CPLANE1: variants seen among roughly 807,000 people sequenced by gnomAD.
CPLANE1 encodes the protein ciliogenesis and planar polarity effector 1.
Under a neutral mutation model 362.5 loss-of-function variants are expected in CPLANE1, and 263 were observed. The observed-to-expected ratio is 0.73, with a 90% CI of 0.66 to 0.80. The LOEUF is 0.80. CPLANE1 is among the 30% of genes least tolerant of loss of function. The probability of loss-of-function intolerance (pLI) is 0.00; values close to 1 mark genes in which losing one functional copy is unlikely to be tolerated. For synonymous variants in CPLANE1, 1,212 were observed against 1,302.6 expected, an observed-to-expected ratio of 0.93 and a Z score of 1.50; for missense variants, 3,461 against 3,793.4, an observed-to-expected ratio of 0.91 and a Z score of 2.30.
At chr5:37,138,692 G>A in intron 46 of CPLANE1, 28 bp downstream of exon 46, 1 of 1,590,310 alleles carries the variant, frequency 6.3e-7, no homozygotes, top group Non-Finnish European at 8.5e-7. Flanking sequence ...ATTTTAAACA[G>A]GTTAAAAATG....
chr5:37,136,088 C>T (rs919427986), intron 46 of CPLANE1, among the ~76,000 whole-genome samples: 1 of 152,130 alleles, frequency 6.6e-6, no homozygotes, highest in Admixed American at 6.5e-5. Flanking sequence ...ACGGTCTTAA[C>T]TCATTCTAGC....
rs766614269 is a variant in CPLANE1 at position 37,187,560 on chromosome 5, C to G, written c.3934G>C (p.Glu1312Gln). The G allele has an allele frequency of 4.4e-6, 7 of 1,607,958 alleles. No individual in the cohort carries two copies. The highest frequency in any genetic ancestry group is 5.9e-6 in the Non-Finnish European group (7 of 1,178,286). The change falls in exon 23 of 53, where the codon GAG becomes CAG. Residue 1312 changes from glutamate to glutamine, a missense_variant. By Grantham distance (29) the Glu-to-Gln change is conservative (BLOSUM62 2). Transcript: ENST00000651892. The part of the protein sequence containing the change: ...NVKGEKDLEV[E>Q]FDSCMIEHCL... ...TGCTCAATCATACAAGAATCAAACT[C>G]CACTTCAAGGTCCTAAAAGGATATT...
intron 29 of CPLANE1, 115 bp from the exon 30 acceptor site, chr5:37,177,815 C>G (rs1224519083): frequency 2.6e-6 from 2 of 761,602 alleles, no homozygotes; most frequent in East Asian, 5.0e-5. Context: ...AGTCTACAAG[C>G]AAGTGAGAAA....
At chr5:37,082,968 A>C in the CPLANE1 span, among the ~76,000 whole-genome samples, 1 of 152,114 alleles carries the variant, frequency 6.6e-6, no homozygotes, top group Non-Finnish European at 1.5e-5. Context: ...ACAACTGCAG[A>C]ACTAAATCAG....
intron 44 of CPLANE1, chr5:37,141,505 G>C (rs184185609): frequency 3.3e-5 from 32 of 983,828 alleles, no homozygotes; most frequent in Middle Eastern, 5.2e-4. Flanking sequence ...AAAGAACTGA[G>C]AAAATAATTA....
intron 16 of CPLANE1, chr5:37,210,819 C>T: frequency 1.0e-6 from 1 of 983,958 alleles, no homozygotes. Flanking sequence ...TCAGAAAGAA[C>T]TAAGGAGAGC....
At chr5:37,091,689 T>A in the CPLANE1 span, among the ~76,000 whole-genome samples, 1 of 152,246 alleles carries the variant, frequency 6.6e-6, no homozygotes, top group African/African-American at 2.4e-5. Flanking sequence ...TATGGAAAGA[T>A]GTAAACAGTA....
chr5:37,138,453 A>C (rs1212632326), intron 46 of CPLANE1: 2 of 557,180 alleles, frequency 3.6e-6, no homozygotes, highest in African/African-American at 3.8e-5. Context: ...CTATGAGCTA[A>C]TCATTAATTA....
At chr5:37,202,142 G>A (rs1789377830) in intron 18 of CPLANE1, among the ~76,000 whole-genome samples, 2 of 151,264 alleles carry the variant, frequency 1.3e-5, no homozygotes, top group South Asian at 4.2e-4. Context: ...AAAAGATTGT[G>A]TGAGAGTAAC....
In CPLANE1 at chr5:37,170,081, C is replaced by T. The variant is rs747294401; in HGVS notation, c.6422G>A (p.Gly2141Glu). The change falls in exon 33 of 53, where the codon GGA (glycine) becomes GAA (glutamate). Residue 2141 changes from glycine to glutamate, a missense_variant. By Grantham distance (98) the Gly-to-Glu change is moderately conservative. Transcript: ENST00000651892. ...PRKNSPHCHE[G>E]TIPSGQNSTG... ...ACTATTTTGACCAGATGGGATAGTT[C>T]CTTCATGGCAGTGTGGGCTGTTCTT... 7 of 1,614,126 alleles carry T rather than the reference C, an allele frequency of 4.3e-6. No homozygotes were observed. In the South Asian group the frequency reaches 4.4e-5, roughly 10 times the overall value.
intron 32 of CPLANE1, among the ~76,000 whole-genome samples, chr5:37,173,318 G>A (rs1262816029): frequency 6.6e-6 from 1 of 152,160 alleles, no homozygotes; most frequent in African/African-American, 2.4e-5. Flanking sequence ...CTTTTGAGTA[G>A]GAGCCCACTA....
intron 1 of CPLANE1, among the ~76,000 whole-genome samples, chr5:37,248,189 G>A (rs994050368): frequency 6.3e-5 from 9 of 143,928 alleles, no homozygotes; most frequent in Admixed American, 5.5e-4. Context: ...GTGCAGTGGC[G>A]CGATCTCGGC....
intron 8 of CPLANE1, among the ~76,000 whole-genome samples, chr5:37,234,816 T>C (rs1798580444): frequency 6.6e-6 from 1 of 152,170 alleles, no homozygotes; most frequent in South Asian, 2.1e-4. Flanking sequence ...TCCAGTCACC[T>C]ATAAAAGAAA....
chr5:37,223,842 GTCTC>G (rs760821338), intron 14 of CPLANE1, among the ~76,000 whole-genome samples: 2 of 151,942 alleles, frequency 1.3e-5, no homozygotes, highest in Non-Finnish European at 2.9e-5. Flanking sequence ...GATACTTGCA[GTCTC>G]TCTAAATGAC....
At chr5:37,127,781 G>A (rs1764627857) in intron 46 of CPLANE1, among the ~76,000 whole-genome samples, 2 of 151,836 alleles carry the variant, frequency 1.3e-5, no homozygotes, top group Admixed American at 1.3e-4. Flanking sequence ...CTCCCAAAAT[G>A]CTGGGATTAT....
intron 35 of CPLANE1, among the ~76,000 whole-genome samples, chr5:37,166,564 C>T (rs993356203): frequency 6.6e-6 from 1 of 152,096 alleles, no homozygotes; most frequent in Non-Finnish European, 1.5e-5. Flanking sequence ...TATTTTATTA[C>T]TAGTTATTGT....
intron 16 of CPLANE1, 49 bp from the exon 17 acceptor site, chr5:37,206,474 A>C: frequency 1.3e-5 from 15 of 1,197,876 alleles, no homozygotes; most frequent in Non-Finnish European, 1.6e-5. Context: ...ATCCAAACTC[A>C]TGCTTCTTTA....
intron 14 of CPLANE1, 109 bp from the exon 15 acceptor site, chr5:37,221,597 C>T (rs1015346160): frequency 6.2e-6 from 4 of 645,498 alleles, no homozygotes; most frequent in South Asian, 8.4e-5. Flanking sequence ...TCAAGTTGTA[C>T]ACTCATGATA....
chr5:37,152,120 G>A (rs1029539455), intron 42 of CPLANE1, among the ~76,000 whole-genome samples: 1 of 152,028 alleles, frequency 6.6e-6, no homozygotes, highest in African/African-American at 2.4e-5. Flanking sequence ...AGTCAATAAT[G>A]GAATTCTTAT....
Sources: allele counts gnomAD v4.1 joint callset (sites outside exome capture counted in the v4.1 genomes callset), GRCh38; gene constraint gnomAD v4.1.1; transcripts MANE v1.5; gene names NCBI Gene and HGNC (gene_info 2026-07-23, HGNC 2026-07-21).